Variants in SLC27A6 observed in about 807,000 individuals in gnomAD.
SLC27A6 encodes the protein long-chain fatty acid transport protein 6.
In SLC27A6, 74 loss-of-function variants were observed where a neutral mutation model predicts 63.9. The ratio of observed to expected loss-of-function variants is 1.16; its 90% CI spans 0.96 to 1.40. SLC27A6 has a LOEUF of 1.40. Ranked by LOEUF, SLC27A6 falls within the 40% of genes most tolerant of loss-of-function variation. The probability of loss-of-function intolerance (pLI) is 0.00; values close to 1 mark genes in which losing one functional copy is unlikely to be tolerated. For missense variants in SLC27A6, 794 were observed against 732.9 expected, an observed-to-expected ratio of 1.08 and a Z score of -0.96; for synonymous variants, 287 against 260.8, an observed-to-expected ratio of 1.10 and a Z score of -0.97.
intron 1 of SLC27A6, among the ~76,000 whole-genome samples, chr5:128,969,728 C>A (rs1462822517): frequency 6.6e-6 from 1 of 152,158 alleles, no homozygotes; most frequent in Middle Eastern, 3.2e-3. Flanking sequence ...ATTTGACTTC[C>A]TCTTTTCCTA....
In SLC27A6 at chr5:129,011,978, T is replaced by C. The variant is rs1173634733; in HGVS notation, c.970-3907T>C. 2.0e-5 allele frequency among the ~76,000 whole-genome samples: 3 copies of C among 152,018 alleles called. No homozygotes were observed. The South Asian group carries it at 6.2e-4, about 32-fold the overall frequency. On this transcript the variant is annotated intron_variant, in intron 4 of 9. Coordinates refer to ENST00000262462, the MANE Select transcript of SLC27A6 (RefSeq NM_001017372.3). Reference sequence around the variant, plus strand: ...GAAAAGATACATATAGATATAGATATATCTATATATGGTTACATAAATATA... The same window carrying C: ...GAAAAGATACATATAGATATAGATACATCTATATATGGTTACATAAATATA...
intron 4 of SLC27A6, among the ~76,000 whole-genome samples, chr5:129,001,758 G>A (rs1271327100): frequency 2.0e-5 from 3 of 152,154 alleles, no homozygotes; most frequent in Non-Finnish European, 4.4e-5. Flanking sequence ...AGCTTGAGAG[G>A]TTCACTTTTC....
intron 2 of SLC27A6, among the ~76,000 whole-genome samples, chr5:128,986,823 G>T (rs941487679): frequency 6.6e-6 from 1 of 152,112 alleles, no homozygotes; most frequent in African/African-American, 2.4e-5. Flanking sequence ...TGAGTGTGGT[G>T]GCAGACACCG....
chr5:128,997,515 G>C (rs897139111), intron 4 of SLC27A6, among the ~76,000 whole-genome samples: 1 of 152,180 alleles, frequency 6.6e-6, no homozygotes, highest in Non-Finnish European at 1.5e-5. Context: ...CAGCCTGAAT[G>C]CTAGTGGAAT....
chr5:128,973,958 T>C (rs6861986), intron 1 of SLC27A6, among the ~76,000 whole-genome samples: 36,620 of 152,122 alleles, frequency 0.24, 4,930 homozygotes, highest in Middle Eastern at 0.33. Flanking sequence ...CTTGTTTTCA[T>C]TACGGGAGGA....
At position 129,028,361 on chromosome 5, in the gene SLC27A6, G is replaced by A; in HGVS notation, c.1471G>A (p.Val491Ile). The A allele has an allele frequency of 6.2e-7, 1 of 1,608,784 alleles. No individual in the cohort carries two copies. Among genetic ancestry groups the A allele is most frequent in the Non-Finnish European group, 8.5e-7 (1 of 1,175,888 alleles). The part of the protein sequence containing the change: ...GDTFRWKGEN[V>I]ATTEVADVIG... ...TTCATTTAGATGGAAAGGAGAAAAT[G>A]TCGCAACCACTGAGGTTGCTGATGT... Residue 491 changes from valine (V) to isoleucine (I), a missense_variant, in exon 8 of 10, where the codon GTC (valine) becomes ATC (isoleucine). Transcript: ENST00000262462.
intron 4 of SLC27A6, among the ~76,000 whole-genome samples, chr5:128,997,930 T>G (rs891549181): frequency 1.3e-4 from 20 of 152,096 alleles, no homozygotes; most frequent in African/African-American, 4.8e-4. Flanking sequence ...AATCCAGTTA[T>G]GAGATATATG....
intron 4 of SLC27A6, among the ~76,000 whole-genome samples, chr5:128,991,323 C>T (rs1219906792): frequency 6.6e-6 from 1 of 152,162 alleles, no homozygotes; most frequent in Non-Finnish European, 1.5e-5. Context: ...CTAGGAAATC[C>T]AGCTAGTCCT....
At position 129,033,391 on chromosome 5, in the gene SLC27A6, A is replaced by G. The variant is rs192011533; in HGVS notation, c.*109A>G. 1.0e-3 allele frequency: 538 copies of G among 532,786 alleles called. 3 individuals are homozygous for G. The highest frequency in any genetic ancestry group is 9.8e-3 in the African/African-American group (494 of 50,576). The allele number at this position is 532,786 out of a possible 1,614,324, so 33.0% of individuals were successfully genotyped here. ...AGCTAACATTAATTATGCATGTACT[A>G]TATTTCCTTAATATGAGAGATAATT... On this transcript the variant is annotated 3_prime_UTR_variant, in exon 10 of 10. Transcript: ENST00000262462.
intron 1 of SLC27A6, among the ~76,000 whole-genome samples, chr5:128,984,585 A>C (rs1750722067): frequency 6.6e-6 from 1 of 152,190 alleles, no homozygotes; most frequent in African/African-American, 2.4e-5. Flanking sequence ...GTAATTTCTC[A>C]GTCTTCACCT....
At chr5:129,018,520 G>A (rs1231982535) in intron 5 of SLC27A6, among the ~76,000 whole-genome samples, 1 of 152,082 alleles carries the variant, frequency 6.6e-6, no homozygotes, top group Non-Finnish European at 1.5e-5. Context: ...TGACATCTAA[G>A]AAATGCACTT....
intron 1 of SLC27A6, among the ~76,000 whole-genome samples, chr5:128,972,189 C>T (rs1750195328): frequency 6.6e-6 from 1 of 152,138 alleles, no homozygotes; most frequent in Non-Finnish European, 1.5e-5. Flanking sequence ...TCTGGCTGCC[C>T]TTAACATTTT....
Position 128,998,577 on chromosome 5 carries a change from A to G in SLC27A6, c.969+8113A>G, listed in dbSNP as rs1751234960. 2.0e-5 allele frequency among the ~76,000 whole-genome samples: 3 copies of G among 152,248 alleles called. No individual in the cohort carries two copies. The South Asian group carries it at 6.2e-4, about 32-fold the overall frequency. ...ACAAAAAGACTAAAAATAAAAAACCAGAAACCCTAAAAATATTATGCATAT... is the reference window on the plus strand; with the variant it reads ...ACAAAAAGACTAAAAATAAAAAACCGGAAACCCTAAAAATATTATGCATAT... On this transcript the variant is annotated intron_variant, in intron 4 of 9. Transcript: ENST00000262462.
chr5:128,992,724 CT>C (rs1261293592), intron 4 of SLC27A6, among the ~76,000 whole-genome samples: 2 of 152,116 alleles, frequency 1.3e-5, no homozygotes, highest in African/African-American at 4.8e-5. Flanking sequence ...TTTCATTGTA[CT>C]TTTTGGTAAT....
chr5:128,993,248 T>G (rs1204201107), intron 4 of SLC27A6, among the ~76,000 whole-genome samples: 2 of 152,136 alleles, frequency 1.3e-5, no homozygotes, highest in African/African-American at 4.8e-5. Flanking sequence ...AATTAGAAGC[T>G]CTTTTAAGCT....
chr5:129,014,073 A>G (rs1751812760), intron 4 of SLC27A6, among the ~76,000 whole-genome samples: 2 of 152,140 alleles, frequency 1.3e-5, no homozygotes, highest in South Asian at 4.1e-4. Context: ...CTGCTCTGGT[A>G]TATGATTTGG....
At position 129,011,486 on chromosome 5, in the gene SLC27A6, TC is replaced by T. The variant is rs570786873; in HGVS notation, c.970-4398del. ...ACCTGCTCAACACTTTGTCAGTCAT[TC>T]AAGCAGTCCATAAGCAACACCATAG... On this transcript the variant is annotated intron_variant, in intron 4 of 9. Transcript: ENST00000262462. Among the ~76,000 whole-genome samples the T allele has an allele frequency of 2.6e-3, 399 of 152,344 alleles. 1 individual carries two copies. Among genetic ancestry groups the T allele is most frequent in the Non-Finnish European group, 4.8e-3 (324 of 68,018 alleles).
chr5:128,966,535 C>A lies in SLC27A6; in HGVS notation c.398C>A (p.Ala133Asp). ...FGLAKLGCVV[A>D]FLNTNIRSNS... ...CTCGCCAAGCTGGGCTGCGTGGTGG[C>A]CTTTCTCAACACCAACATTCGCTCC... Residue 133 changes from alanine (A) to aspartate (D), a missense_variant, in exon 1 of 10, where the codon GCC becomes GAC. Coordinates refer to ENST00000262462, the MANE Select transcript of SLC27A6 (RefSeq NM_001017372.3). 1 of 1,591,520 alleles carries A rather than the reference C, an allele frequency of 6.3e-7. No individual in the cohort carries two copies. The highest frequency in any genetic ancestry group is 8.5e-7 in the Non-Finnish European group (1 of 1,171,502).
chr5:128,991,274 G>C (rs1161623821), intron 4 of SLC27A6, among the ~76,000 whole-genome samples: 1 of 152,196 alleles, frequency 6.6e-6, no homozygotes. Flanking sequence ...GGTAGGTGCA[G>C]TCACCTTCCC....
Sources: allele counts gnomAD v4.1 joint callset (sites outside exome capture counted in the v4.1 genomes callset), GRCh38; gene constraint gnomAD v4.1.1; transcripts MANE v1.5; gene names NCBI Gene and HGNC (gene_info 2026-07-23, HGNC 2026-07-21).